DNAH6: variants seen among roughly 807,000 people sequenced by gnomAD.
DNAH6 encodes dynein axonemal heavy chain 6, also known as axonemal beta dynein heavy chain 6.
A neutral mutation model predicts 491.4 loss-of-function variants in DNAH6; 340 were observed. The observed-to-expected ratio is 0.69, with a 90% confidence interval of 0.63 to 0.76. DNAH6 has a LOEUF of 0.76. Ranked by LOEUF, DNAH6 falls within the 30% of genes least tolerant of loss-of-function variation. DNAH6 has a pLI of 0.00. For synonymous variants in DNAH6, 1,603 were observed against 1,686.1 expected (o/e 0.95, Z 1.21); for missense variants, 4,443 against 4,972.2 (o/e 0.89, Z 3.20).
Position 84,677,047 on chromosome 2 carries a change from C to G in DNAH6, c.6655C>G (p.Arg2219Gly). The change falls in exon 41 of 77, where the codon CGC becomes GGC. Residue 2219 changes from arginine (R) to glycine (G), a missense_variant. Coordinates refer to ENST00000389394, the MANE Select transcript of DNAH6 (RefSeq NM_001370.2). ...ISACAPPGGG[R>G]NPVTPRFIRH... ...GGCATGTGCACCTCCAGGCGGTGGC[C>G]GCAACCCTGTGACTCCCCGCTTCAT... 6.4e-7 allele frequency: 1 copy of G among 1,551,744 alleles called. No homozygotes were observed. Among genetic ancestry groups the G allele is most frequent in the Non-Finnish European group, 8.7e-7 (1 of 1,146,982 alleles).
intron 68 of DNAH6, among the ~76,000 whole-genome samples, chr2:84,789,151 G>T (rs144637365): frequency 6.6e-6 from 1 of 152,254 alleles, no homozygotes; most frequent in East Asian, 1.9e-4. Flanking sequence ...TTTAAGAAGG[G>T]CCAAGACAGT....
chr2:84,720,274 T>G (rs1697979787), intron 59 of DNAH6, among the ~76,000 whole-genome samples: 1 of 118,160 alleles, frequency 8.5e-6, no homozygotes. Context: ...CTTCTTTTTT[T>G]TTTTTTTTTT....
chr2:84,792,612 TTAG>T (rs1677876943), intron 68 of DNAH6, among the ~76,000 whole-genome samples: 1 of 151,968 alleles, frequency 6.6e-6, no homozygotes, highest in Non-Finnish European at 1.5e-5. Flanking sequence ...AGAGAAACAG[TTAG>T]TAGCTCCAAA....
chr2:84,577,944 A>G (rs905118674), intron 13 of DNAH6, among the ~76,000 whole-genome samples: 2 of 152,240 alleles, frequency 1.3e-5, no homozygotes. Flanking sequence ...TTGGAAAACT[A>G]TAGCCCACAG....
intron 15 of DNAH6, 92 bp downstream of exon 15, chr2:84,584,342 A>T (rs761627083): frequency 7.9e-7 from 1 of 1,261,312 alleles, no homozygotes; most frequent in African/African-American, 1.5e-5. Flanking sequence ...TAAAAATTGT[A>T]TATATTTACA....
chr2:84,604,236 G>A, intron 18 of DNAH6, 103 bp from the exon 19 acceptor site: 1 of 840,136 alleles, frequency 1.2e-6, no homozygotes. Context: ...AGGGTAAGTG[G>A]TGCTCTTTTC....
chr2:84,585,601 G>C (rs569216198), intron 15 of DNAH6, among the ~76,000 whole-genome samples: 4 of 152,228 alleles, frequency 2.6e-5, no homozygotes, highest in African/African-American at 7.2e-5. Context: ...TCTCAGCAGA[G>C]AGGAGGCCTG....
chr2:84,603,765 A>G (rs1685493428), intron 18 of DNAH6, among the ~76,000 whole-genome samples: 1 of 152,150 alleles, frequency 6.6e-6, no homozygotes, highest in African/African-American at 2.4e-5. Context: ...CTAGTGCCTT[A>G]AGGTGGCACA....
intron 15 of DNAH6, among the ~76,000 whole-genome samples, chr2:84,587,488 G>T (rs1225516534): frequency 6.6e-6 from 1 of 152,186 alleles, no homozygotes; most frequent in African/African-American, 2.4e-5. Context: ...ATTCTAACTA[G>T]TGCTTCTTCT....
chr2:84,573,911 C>A (rs1251448748), intron 12 of DNAH6, among the ~76,000 whole-genome samples: 5 of 152,164 alleles, frequency 3.3e-5, no homozygotes, highest in Non-Finnish European at 7.4e-5. Context: ...GATACCTCTA[C>A]CAATTCCATT....
intron 68 of DNAH6, among the ~76,000 whole-genome samples, chr2:84,788,417 C>T (rs1481142662): frequency 3.9e-5 from 6 of 152,118 alleles, no homozygotes; most frequent in Non-Finnish European, 5.9e-5. Flanking sequence ...CCCTATGTAA[C>T]AGCAGACTGT....
At position 84,539,669 on chromosome 2, in the gene DNAH6, C is replaced by A. The variant is rs965731; in HGVS notation, c.663-4564C>A. ...GATTTAACAGGCCTAGGGTGGAGCC[C>A]GAGAATGTGCAATTCCCACATTGTG... On this transcript the variant is annotated intron_variant, in intron 4 of 76. Coordinates refer to ENST00000389394, the MANE Select transcript of DNAH6 (RefSeq NM_001370.2). Among the ~76,000 whole-genome samples, 6 of 152,078 alleles carry A rather than the reference C, an allele frequency of 3.9e-5. No individual in the cohort carries two copies. The East Asian group carries it at 5.8e-4, about 15-fold the overall frequency.
intron 11 of DNAH6, among the ~76,000 whole-genome samples, chr2:84,570,310 A>G (rs1354151101): frequency 6.6e-6 from 1 of 152,132 alleles, no homozygotes; most frequent in Non-Finnish European, 1.5e-5. Context: ...TAGCTAGAGG[A>G]TTGTAAATGC....
chr2:84,720,744 T>G (rs1698065907), intron 59 of DNAH6, among the ~76,000 whole-genome samples: 1 of 152,212 alleles, frequency 6.6e-6, no homozygotes, highest in African/African-American at 2.4e-5. Context: ...TCGTTGATAT[T>G]TCCTCGCCCA....
intron 18 of DNAH6, among the ~76,000 whole-genome samples, chr2:84,603,395 CA>C (rs1197251834): frequency 1.1e-4 from 17 of 152,000 alleles, no homozygotes; most frequent in Non-Finnish European, 2.2e-4. Context: ...GCTGGTTTAC[CA>C]AAGGTTATTT....
intron 34 of DNAH6, among the ~76,000 whole-genome samples, chr2:84,654,402 GA>G (rs1690750094): frequency 6.6e-6 from 1 of 151,814 alleles, no homozygotes; most frequent in African/African-American, 2.4e-5. Flanking sequence ...AGAGAAGAAA[GA>G]AAAAAATAAC....
Position 84,593,086 on chromosome 2 carries a change from G to A in DNAH6, c.2611-886G>A, listed in dbSNP as rs540238761. 3.9e-5 allele frequency among the ~76,000 whole-genome samples: 6 copies of A among 152,252 alleles called. No homozygotes were observed. In the East Asian group the frequency reaches 1.2e-3, roughly 29 times the overall value. On this transcript the variant is annotated intron_variant, in intron 16 of 76. Transcript: ENST00000389394. ...AATTTATTAAAAGAATAGATCTCAT[G>A]TAATGTGTTTTTTACCACAATAAAA...
intron 62 of DNAH6, among the ~76,000 whole-genome samples, chr2:84,735,143 A>G (rs575754237): frequency 6.6e-6 from 1 of 152,196 alleles, no homozygotes; most frequent in African/African-American, 2.4e-5. Context: ...AAGTGAGACC[A>G]TACAGTATTT....
chr2:84,690,357 T>G (rs1694724188), intron 45 of DNAH6, among the ~76,000 whole-genome samples: 1 of 152,218 alleles, frequency 6.6e-6, no homozygotes, highest in Non-Finnish European at 1.5e-5. Flanking sequence ...TTGTTTGTCA[T>G]TGGCTTGTCC....
Sources: gnomAD v4.1 joint callset for allele counts (sites outside exome capture counted in the v4.1 genomes callset) on GRCh38, gnomAD v4.1.1 for gene constraint, MANE v1.5 for transcripts, NCBI Gene and HGNC (gene_info 2026-07-23, HGNC 2026-07-21) for gene names.